The following RALYL variants were observed in gnomAD, a reference collection of about 807,000 sequenced individuals.
RALYL encodes RALY RNA binding protein like, also known as RNA-binding Raly-like protein.
A neutral mutation model predicts 35.1 loss-of-function variants in RALYL; 29 were observed. That is an observed-to-expected ratio of 0.83 (90% CI 0.61 to 1.13). The LOEUF (loss-of-function observed/expected upper bound fraction) is 1.13, where lower values mean the gene tolerates loss of function less well. RALYL is among the 50% of genes most tolerant of loss of function. The pLI is 0.00. For missense variants in RALYL, 359 were observed against 360.4 expected (o/e 1.00, Z 0.03); for synonymous variants, 120 against 127.6 (o/e 0.94, Z 0.40).
chr8:84,685,313 T>C (rs989359745), intron 2 of RALYL, among the ~76,000 whole-genome samples: 1 of 152,054 alleles, frequency 6.6e-6, no homozygotes, highest in Non-Finnish European at 1.5e-5. Context: ...TCTACTTTTT[T>C]CTCTACCCAT....
intron 2 of RALYL, among the ~76,000 whole-genome samples, chr8:84,549,658 G>A (rs544153510): frequency 6.6e-6 from 1 of 152,196 alleles, no homozygotes; most frequent in African/African-American, 2.4e-5. Flanking sequence ...TAGGAATGCA[G>A]ATATGCATGA....
intron 1 of RALYL, among the ~76,000 whole-genome samples, chr8:84,366,304 T>C (rs1201468952): frequency 6.6e-6 from 1 of 152,186 alleles, no homozygotes; most frequent in East Asian, 1.9e-4. Context: ...TTTCTAGATA[T>C]CAGTTTTTAA....
intron 2 of RALYL, among the ~76,000 whole-genome samples, chr8:84,742,297 TAAAAA>T (rs1362973215): frequency 6.6e-6 from 1 of 151,992 alleles, no homozygotes; most frequent in Non-Finnish European, 1.5e-5. Context: ...ATAGTGTTTT[TAAAAA>T]TATGTGAGAC....
rs541978053 is a variant in RALYL at position 84,734,060 on chromosome 8, A to C, written c.257-40519A>C. Among the ~76,000 whole-genome samples the C allele has an allele frequency of 2.6e-5, 4 of 152,268 alleles. No individual in the cohort carries two copies. In the South Asian group the frequency reaches 8.3e-4, roughly 32 times the overall value. ...GGCTATGGCTGCTAATAAGGCTTTT[A>C]CTCTTTGTGTAAAAAATGCGTGATT... On this transcript the variant is annotated intron_variant, in intron 2 of 8. Transcript: ENST00000521268.
At chr8:84,891,290 ATC>A (rs1397322472) in intron 8 of RALYL, among the ~76,000 whole-genome samples, 1 of 152,202 alleles carries the variant, frequency 6.6e-6, no homozygotes, top group Non-Finnish European at 1.5e-5. Context: ...TCAGTCCCAG[ATC>A]TGTCATTATC....
rs373865476 is a variant in RALYL at position 84,289,213 on chromosome 8, G to C, written c.-24+104789G>C. Among the ~76,000 whole-genome samples the C allele has an allele frequency of 8.5e-5, 13 of 152,290 alleles. 1 individual carries two copies. In the East Asian group the frequency reaches 1.5e-3, roughly 18 times the overall value. On this transcript the variant is annotated intron_variant, in intron 1 of 8. Transcript: ENST00000521268. Reference sequence around the variant, plus strand: ...ACTATCTCCCTTGATGTTTACATTTGAAAGAGATGGCTGCCAGGTCCTTGA... The same window carrying C: ...ACTATCTCCCTTGATGTTTACATTTCAAAGAGATGGCTGCCAGGTCCTTGA...
intron 6 of RALYL, among the ~76,000 whole-genome samples, chr8:84,866,263 C>T (rs1586849022): frequency 6.6e-6 from 1 of 152,168 alleles, no homozygotes; most frequent in Non-Finnish European, 1.5e-5. Flanking sequence ...TGTCAGATTG[C>T]CTGGAGTGGA....
rs1813290172 is a variant in RALYL, at chr8:84,189,281, TC to T, written c.-24+4859del. Among the ~76,000 whole-genome samples the T allele has an allele frequency of 2.0e-5, 3 of 152,214 alleles. No individual in the cohort carries two copies. The South Asian group carries it at 6.2e-4, about 32-fold the overall frequency. On this transcript the variant is annotated intron_variant, in intron 1 of 8. Coordinates refer to ENST00000521268, the MANE Select transcript of RALYL (RefSeq NM_173848.7). ...TGTGCATAAATATGTTTGGCAAAAT[TC>T]CATTTAACTCACTAATATGCTTTTT...
intron 4 of RALYL, among the ~76,000 whole-genome samples, chr8:84,820,268 T>C (rs1167507986): frequency 1.1e-4 from 17 of 152,218 alleles, no homozygotes. Context: ...TTAAAATCTA[T>C]GAAGGATTTA....
At chr8:84,589,497 A>T (rs1244033019) in intron 2 of RALYL, among the ~76,000 whole-genome samples, 2 of 152,274 alleles carry the variant, frequency 1.3e-5, no homozygotes, top group African/African-American at 4.8e-5. Flanking sequence ...TTGCAGTAGC[A>T]TATATTTCAT....
rs575431836 is a variant in RALYL, at chr8:84,839,046, G to A, written c.366-10934G>A. 5.6e-4 allele frequency among the ~76,000 whole-genome samples: 86 copies of A among 152,304 alleles called. 1 individual carries two copies. The South Asian group carries it at 0.017, about 30-fold the overall frequency. Reference sequence around the variant, plus strand: ...GTCTACAGCTCCCAGCATGAGCAACGCAGAACATGGGTGATTTCTGCATTT... The same window carrying A: ...GTCTACAGCTCCCAGCATGAGCAACACAGAACATGGGTGATTTCTGCATTT... On this transcript the variant is annotated intron_variant, in intron 4 of 8. Transcript: ENST00000521268.
At chr8:84,640,255 A>G (rs1187244553) in intron 2 of RALYL, among the ~76,000 whole-genome samples, 1 of 152,036 alleles carries the variant, frequency 6.6e-6, no homozygotes, top group Admixed American at 6.6e-5. Context: ...ATTCTTTTAA[A>G]TATCAGTTTT....
chr8:84,184,826 G>A, intron 1 of RALYL: 2 of 688,090 alleles, frequency 2.9e-6, no homozygotes, highest in Non-Finnish European at 5.0e-6. Context: ...CTGGCCGTCG[G>A]GCGGGCTAGA....
chr8:84,731,664 C>G (rs554960015), intron 2 of RALYL, among the ~76,000 whole-genome samples: 6 of 152,080 alleles, frequency 3.9e-5, no homozygotes, highest in Non-Finnish European at 7.4e-5. Context: ...TGTTATTTTC[C>G]TGCTACAGTT....
At chr8:84,527,096 T>C (rs181049504) in intron 1 of RALYL, among the ~76,000 whole-genome samples, 145 of 152,336 alleles carry the variant, frequency 9.5e-4, no homozygotes, top group African/African-American at 2.9e-3. Flanking sequence ...AATACAATAC[T>C]ACAACAAAAC....
At chr8:84,535,285 C>A (rs1411098990) in intron 2 of RALYL, among the ~76,000 whole-genome samples, 1 of 152,270 alleles carries the variant, frequency 6.6e-6, no homozygotes, top group East Asian at 1.9e-4. Flanking sequence ...TTTACTATTT[C>A]TCTTTCCAGA....
At chr8:84,338,800 C>A (rs555666345) in intron 1 of RALYL, among the ~76,000 whole-genome samples, 33 of 152,090 alleles carry the variant, frequency 2.2e-4, no homozygotes, top group Middle Eastern at 3.4e-3. Flanking sequence ...ATTTAGAATA[C>A]CACTAATAGA....
At chr8:84,275,408 T>A (rs1374611160) in intron 1 of RALYL, among the ~76,000 whole-genome samples, 1 of 152,010 alleles carries the variant, frequency 6.6e-6, no homozygotes, top group Non-Finnish European at 1.5e-5. Flanking sequence ...CAGTACTAAC[T>A]TTTTTGTTAC....
intron 1 of RALYL, among the ~76,000 whole-genome samples, chr8:84,459,825 A>T (rs1250709935): frequency 6.6e-6 from 1 of 151,784 alleles, no homozygotes; most frequent in East Asian, 1.9e-4. Context: ...GCGAAGCTAT[A>T]AGGAATGATT....
Sources: allele counts gnomAD v4.1 joint callset (sites outside exome capture counted in the v4.1 genomes callset), GRCh38; gene constraint gnomAD v4.1.1; transcripts MANE v1.5; gene names NCBI Gene and HGNC (gene_info 2026-07-23, HGNC 2026-07-21).